RPH3A: variants seen among roughly 807,000 people sequenced by gnomAD.
RPH3A encodes the protein rabphilin-3A.
RPH3A carries 48 observed loss-of-function variants against 102.2 expected under a neutral mutation model. The ratio of observed to expected loss-of-function variants is 0.47; its 90% CI spans 0.37 to 0.60. The LOEUF (loss-of-function observed/expected upper bound fraction) is 0.60. Among genes scored for constraint, RPH3A ranks in the 20% least tolerant of loss-of-function variants. The pLI, the probability that RPH3A is intolerant of heterozygous loss-of-function variation, is 0.00. For synonymous variants in RPH3A, 310 were observed against 324.3 expected, an observed-to-expected ratio of 0.96 and a Z score of 0.47; for missense variants, 781 against 910.1, an observed-to-expected ratio of 0.86 and a Z score of 1.83.
chr12:112,730,879 C>A (rs1280404372), intron 1 of RPH3A, among the ~76,000 whole-genome samples: 1 of 152,132 alleles, frequency 6.6e-6, no homozygotes, highest in Non-Finnish European at 1.5e-5. Context: ...CAGCCCTGGC[C>A]ATTGTTCCAG....
chr12:112,891,701 C>A (rs1048528507), intron 19 of RPH3A, among the ~76,000 whole-genome samples: 1 of 152,228 alleles, frequency 6.6e-6, no homozygotes, highest in African/African-American at 2.4e-5. Context: ...CAAGCCAAAA[C>A]TGGCCATCAG....
At chr12:112,650,063 G>A (rs557557438) in intron 1 of RPH3A, among the ~76,000 whole-genome samples, 18 of 152,272 alleles carry the variant, frequency 1.2e-4, no homozygotes, top group Admixed American at 1.1e-3. Context: ...CCAGCTTTTA[G>A]CACCACCATT....
At chr12:112,686,983 C>T (rs1463633188) in intron 1 of RPH3A, among the ~76,000 whole-genome samples, 2 of 152,138 alleles carry the variant, frequency 1.3e-5, no homozygotes, top group African/African-American at 2.4e-5. Context: ...GGCATGGTGG[C>T]ACACACATGT....
At chr12:112,605,413 A>T (rs2039588066) in intron 1 of RPH3A, among the ~76,000 whole-genome samples, 2 of 152,074 alleles carry the variant, frequency 1.3e-5, no homozygotes, top group Admixed American at 6.6e-5. Context: ...AAAACAAAAA[A>T]ATCCAAACGA....
intron 1 of RPH3A, among the ~76,000 whole-genome samples, chr12:112,762,569 T>C (rs978199314): frequency 1.3e-5 from 2 of 152,184 alleles, no homozygotes; most frequent in Non-Finnish European, 2.9e-5. Flanking sequence ...ATAAAGTGGC[T>C]GAAGCAGAAA....
chr12:112,830,463 C>T (rs1196446230), intron 3 of RPH3A, among the ~76,000 whole-genome samples: 3 of 152,056 alleles, frequency 2.0e-5, no homozygotes, highest in Non-Finnish European at 4.4e-5. Flanking sequence ...TTAGGATATG[C>T]TCAATGAGTA....
At chr12:112,750,960 T>G (rs996643793) in intron 1 of RPH3A, among the ~76,000 whole-genome samples, 1 of 152,050 alleles carries the variant, frequency 6.6e-6, no homozygotes, top group Non-Finnish European at 1.5e-5. Flanking sequence ...GGGGACCATC[T>G]TGAAACCATG....
chr12:112,840,534 A>G (rs930076621), intron 4 of RPH3A, among the ~76,000 whole-genome samples: 1 of 151,974 alleles, frequency 6.6e-6, no homozygotes, highest in Non-Finnish European at 1.5e-5. Context: ...CTGAACCCAA[A>G]TTTCCGCAAA....
chr12:112,796,702 C>A (rs1009885821), intron 2 of RPH3A, among the ~76,000 whole-genome samples: 1 of 152,236 alleles, frequency 6.6e-6, no homozygotes, highest in African/African-American at 2.4e-5. Flanking sequence ...CATTTATTGA[C>A]TACCTACAGT....
chr12:112,894,103 GATTTGC>G, intron 19 of RPH3A: 31 of 171,658 alleles, frequency 1.8e-4, no homozygotes, highest in South Asian at 3.2e-4. Context: ...ACAATAATCA[GATTTGC>G]ATCTTCCCCT....
intron 2 of RPH3A, among the ~76,000 whole-genome samples, chr12:112,808,960 C>T (rs570245575): frequency 2.0e-5 from 3 of 152,248 alleles, no homozygotes; most frequent in African/African-American, 7.2e-5. Context: ...TATAGCCATA[C>T]CAGGACTCAG....
At position 112,735,493 on chromosome 12, in the gene RPH3A, G is replaced by A. The variant is rs544380095; in HGVS notation, c.-139-56650G>A. On this transcript the variant is annotated intron_variant, in intron 1 of 21. Coordinates refer to the RPH3A transcript ENST00000543106. ...TAAAAATGTCTAGAAATGCCCCAGG[G>A]CAGAGGTTTGGAAACCTGCTGTGCT... 2.0e-5 allele frequency among the ~76,000 whole-genome samples: 3 copies of A among 152,336 alleles called. No homozygotes were observed. In the South Asian group the frequency reaches 6.2e-4, roughly 32 times the overall value.
At chr12:112,764,283 G>C (rs947795787) in intron 1 of RPH3A, among the ~76,000 whole-genome samples, 1 of 152,188 alleles carries the variant, frequency 6.6e-6, no homozygotes, top group African/African-American at 2.4e-5. Flanking sequence ...TCAGAGAATG[G>C]CCAAAAACGA....
intron 1 of RPH3A, among the ~76,000 whole-genome samples, chr12:112,636,285 T>C (rs554137606): frequency 3.3e-5 from 5 of 152,158 alleles, no homozygotes; most frequent in Non-Finnish European, 7.3e-5. Flanking sequence ...AAATCACACA[T>C]ATCACTTCTA....
intron 3 of RPH3A, chr12:112,831,744 G>A: frequency 2.2e-6 from 1 of 455,470 alleles, no homozygotes; most frequent in South Asian, 1.6e-5. Context: ...TGTTCTTGAA[G>A]GTTGCAGCAT....
chr12:112,586,516 G>T (rs1240389333), intron 1 of RPH3A, among the ~76,000 whole-genome samples: 1 of 152,102 alleles, frequency 6.6e-6, no homozygotes, highest in Non-Finnish European at 1.5e-5. Context: ...CAAGGGTGAA[G>T]GCTATGAGGC....
intron 1 of RPH3A, among the ~76,000 whole-genome samples, chr12:112,733,943 A>G (rs568455203): frequency 4.6e-5 from 7 of 152,290 alleles, no homozygotes; most frequent in Admixed American, 1.3e-4. Context: ...TACTATGTTA[A>G]TCTATTGAAT....
At chr12:112,737,362 G>A (rs775841465) in intron 1 of RPH3A, among the ~76,000 whole-genome samples, 4 of 152,080 alleles carry the variant, frequency 2.6e-5, no homozygotes, top group Middle Eastern at 3.4e-3. Flanking sequence ...ATAATAATAT[G>A]TACCTTATAG....
intron 4 of RPH3A, among the ~76,000 whole-genome samples, chr12:112,839,408 G>T (rs1410745612): frequency 6.6e-6 from 1 of 152,082 alleles, no homozygotes; most frequent in African/African-American, 2.4e-5. Context: ...TGTTCTCAGG[G>T]ATCTGGGCTT....
Sources: allele counts gnomAD v4.1 joint callset (sites outside exome capture counted in the v4.1 genomes callset), GRCh38; gene constraint gnomAD v4.1.1; transcripts MANE v1.5; gene names NCBI Gene and HGNC (gene_info 2026-07-23, HGNC 2026-07-21).